PLSCR4: variants seen among roughly 807,000 people sequenced by gnomAD.
The protein encoded by PLSCR4 is Ca(2+)-dependent phospholipid scramblase 4.
In PLSCR4, 25 loss-of-function variants were observed where a neutral mutation model predicts 36.3. The ratio of observed to expected loss-of-function variants is 0.69; its 90% CI spans 0.50 to 0.96. The LOEUF (loss-of-function observed/expected upper bound fraction) is 0.96. Among genes scored for constraint, PLSCR4 ranks in the 40% least tolerant of loss-of-function variants. The pLI is 0.00. For missense variants in PLSCR4, 408 were observed against 414.7 expected (o/e 0.98, Z 0.14); for synonymous variants, 122 against 132.9 (o/e 0.92, Z 0.56).
intron 1 of PLSCR4, among the ~76,000 whole-genome samples, chr3:146,237,633 T>G (rs1183348999): frequency 6.6e-6 from 1 of 151,820 alleles, no homozygotes; most frequent in East Asian, 1.9e-4. Flanking sequence ...AAGCAATGGG[T>G]TGGCAAAAAA....
At chr3:146,247,001 A>C (rs577246638) in intron 1 of PLSCR4, among the ~76,000 whole-genome samples, 2 of 152,212 alleles carry the variant, frequency 1.3e-5, no homozygotes, top group African/African-American at 4.8e-5. Flanking sequence ...ACTAATACAC[A>C]CAGTTTTTAT....
rs746851831 is a variant in PLSCR4 at position 146,196,718 on chromosome 3, T to C, written c.700A>G (p.Ser234Gly). The C allele has an allele frequency of 3.1e-6, 5 of 1,613,882 alleles. No homozygotes were observed. Among genetic ancestry groups the C allele is most frequent in the Non-Finnish European group, 4.2e-6 (5 of 1,179,922 alleles). ...EHWNLCRAVYSIQNEKKENVM... is the reference protein window; with the variant it reads ...EHWNLCRAVYGIQNEKKENVM... ...TTTTCTTTCTTCTCATTTTGGATGCTGTACACCGCCCTGCACAGGTTCCAA... is the reference window on the plus strand; with the variant it reads ...TTTTCTTTCTTCTCATTTTGGATGCCGTACACCGCCCTGCACAGGTTCCAA... Residue 234 changes from serine to glycine, a missense_variant, in exon 7 of 9, where the codon AGC becomes GGC. Physicochemically the swap from Ser to Gly is moderately conservative, Grantham distance 56 (BLOSUM62 0). Coordinates refer to ENST00000354952, the MANE Select transcript of PLSCR4 (RefSeq NM_020353.3).
At chr3:146,208,023 G>A (rs981325061) in intron 3 of PLSCR4, among the ~76,000 whole-genome samples, 1 of 152,048 alleles carries the variant, frequency 6.6e-6, no homozygotes, top group African/African-American at 2.4e-5. Flanking sequence ...CACATTACTT[G>A]ATTTCAAATG....
chr3:146,219,121 T>G (rs2035024938), intron 3 of PLSCR4, among the ~76,000 whole-genome samples: 1 of 152,206 alleles, frequency 6.6e-6, no homozygotes, highest in African/African-American at 2.4e-5. Context: ...TTTGCTATAT[T>G]TTATAACTGA....
At chr3:146,239,750 G>A (rs951038005) in intron 1 of PLSCR4, among the ~76,000 whole-genome samples, 9 of 152,180 alleles carry the variant, frequency 5.9e-5, no homozygotes, top group Middle Eastern at 3.4e-3. Flanking sequence ...GGGCATGGTG[G>A]CACATGCCTG....
At chr3:146,222,022 A>G (rs747280621) in intron 2 of PLSCR4, 43 bp downstream of exon 2, 9 of 1,152,750 alleles carry the variant, frequency 7.8e-6, no homozygotes, top group African/African-American at 1.6e-5. Flanking sequence ...CAAAATTCAC[A>G]TTTGAAAATA....
chr3:146,192,763 G>A lies in PLSCR4; in HGVS notation c.*1648C>T, dbSNP rs2033465598. ...TACATAGTCTACTTACGATTGCAATGGCACTTTCAAATATAAGGCAATTAA... is the reference window on the plus strand; with the variant it reads ...TACATAGTCTACTTACGATTGCAATAGCACTTTCAAATATAAGGCAATTAA... On this transcript the variant is annotated 3_prime_UTR_variant, in exon 9 of 9. Transcript: ENST00000354952. 1 of 151,674 alleles carries A rather than the reference G, an allele frequency of 6.6e-6. No individual in the cohort carries two copies. Among genetic ancestry groups the A allele is most frequent in the Non-Finnish European group, 1.5e-5 (1 of 67,946 alleles). The allele number at this position is 151,674 out of a possible 1,614,324, so 9.4% of individuals were successfully genotyped here. A position where few individuals can be genotyped will look rare whatever the true frequency, so the allele number is the denominator to read the frequency against.
intron 3 of PLSCR4, among the ~76,000 whole-genome samples, chr3:146,215,503 C>G (rs1208709636): frequency 6.6e-6 from 1 of 152,048 alleles, no homozygotes; most frequent in Non-Finnish European, 1.5e-5. Flanking sequence ...CTTGTTTTTA[C>G]TATGGTTGGA....
chr3:146,197,634 T>C (rs2033819344), intron 6 of PLSCR4, among the ~76,000 whole-genome samples: 1 of 152,200 alleles, frequency 6.6e-6, no homozygotes, highest in Non-Finnish European at 1.5e-5. Context: ...TTTTTAGCTA[T>C]TTATCTTCAA....
At chr3:146,202,070 TGTGA>T (rs2034076317) in intron 4 of PLSCR4, among the ~76,000 whole-genome samples, 1 of 152,042 alleles carries the variant, frequency 6.6e-6, no homozygotes, top group Non-Finnish European at 1.5e-5. Flanking sequence ...TGTTTTATGG[TGTGA>T]TTAATTACAG....
At chr3:146,222,977 G>T (rs370953714) in intron 1 of PLSCR4, among the ~76,000 whole-genome samples, 40 of 152,060 alleles carry the variant, frequency 2.6e-4, no homozygotes, top group African/African-American at 9.4e-4. Context: ...AGTGGAAGAG[G>T]GTTCTGAGTC....
intron 1 of PLSCR4, among the ~76,000 whole-genome samples, chr3:146,229,711 G>A (rs1235743302): frequency 2.0e-5 from 3 of 151,360 alleles, no homozygotes; most frequent in East Asian, 1.9e-4. Context: ...TGCAAGCTCC[G>A]CCTCCCGGGT....
rs751892195 is a variant in PLSCR4, at chr3:146,195,105, T to A, written c.945+19A>T. 4 of 1,610,922 alleles carry A rather than the reference T, an allele frequency of 2.5e-6. No individual in the cohort carries two copies. The African/African-American group carries it at 5.3e-5, about 22-fold the overall frequency. ...GAAAGAACAACTCTCTCAGGATAAC[T>A]CAAAAATAGAAGGCTTACAATGAGG... is the stretch of plus-strand genomic sequence containing the variant. On this transcript the variant is annotated intron_variant, in intron 8 of 8. Transcript: ENST00000354952.
chr3:146,207,172 GTTA>G (rs760667195), intron 3 of PLSCR4, among the ~76,000 whole-genome samples: 4 of 151,966 alleles, frequency 2.6e-5, no homozygotes, highest in Non-Finnish European at 5.9e-5. Flanking sequence ...GCAAATTTTT[GTTA>G]TTATGTCTAT....
chr3:146,236,830 T>A (rs879400294), intron 1 of PLSCR4, among the ~76,000 whole-genome samples: 2 of 152,078 alleles, frequency 1.3e-5, no homozygotes, highest in African/African-American at 2.4e-5. Context: ...AATGAAATGA[T>A]AAGGTAGAGA....
chr3:146,225,433 A>G (rs1194891153), intron 1 of PLSCR4, among the ~76,000 whole-genome samples: 1 of 151,328 alleles, frequency 6.6e-6, no homozygotes, highest in East Asian at 1.9e-4. Context: ...ATGCGCTTGC[A>G]CTCCTCAGCC....
intron 1 of PLSCR4, among the ~76,000 whole-genome samples, chr3:146,248,869 A>T (rs1478068077): frequency 2.6e-5 from 4 of 152,180 alleles, no homozygotes; most frequent in Non-Finnish European, 5.9e-5. Flanking sequence ...TATTTTCCTC[A>T]CTGCATTTTC....
chr3:146,192,690 ATTGT>A lies in PLSCR4; in HGVS notation c.*1717_*1720del, dbSNP rs2033458787. The A allele has an allele frequency of 1.3e-5, 2 of 152,140 alleles. No individual in the cohort carries two copies. The highest frequency in any genetic ancestry group is 6.5e-5 in the Admixed American group (1 of 15,276). The allele number at this position is 152,140 out of a possible 1,614,324, so 9.4% of individuals were successfully genotyped here. A position where few individuals can be genotyped will look rare whatever the true frequency, so the allele number is the denominator to read the frequency against. On this transcript the variant is annotated 3_prime_UTR_variant, in exon 9 of 9. Transcript: ENST00000354952. ...GTTTATATGCTTAAACTTTCTGAATATTGTTTGTCTGATTTCCTATTTAAATATC... is the reference window on the plus strand; with the variant it reads ...GTTTATATGCTTAAACTTTCTGAATATTGTCTGATTTCCTATTTAAATATC...
intron 1 of PLSCR4, among the ~76,000 whole-genome samples, chr3:146,222,979 TTC>T (rs2035242135): frequency 2.0e-5 from 3 of 151,846 alleles, no homozygotes; most frequent in Admixed American, 2.0e-4. Flanking sequence ...TGGAAGAGGG[TTC>T]TGAGTCATAG....
Sources: gnomAD v4.1 joint callset for allele counts (sites outside exome capture counted in the v4.1 genomes callset) on GRCh38, gnomAD v4.1.1 for gene constraint, MANE v1.5 for transcripts, NCBI Gene and HGNC (gene_info 2026-07-23, HGNC 2026-07-21) for gene names.